The following ADGRV1 variants were observed in gnomAD, a reference collection of about 807,000 sequenced individuals.
The protein encoded by ADGRV1 is G-protein coupled receptor 98.
Under a neutral mutation model 596.2 loss-of-function variants are expected in ADGRV1, and 359 were observed. That is an observed-to-expected ratio of 0.60 (90% CI 0.55 to 0.66). The LOEUF (loss-of-function observed/expected upper bound fraction) is 0.66. ADGRV1 is among the 30% of genes least tolerant of loss of function. The probability of loss-of-function intolerance (pLI) is 0.00; values close to 1 mark genes in which losing one functional copy is unlikely to be tolerated. For missense variants in ADGRV1, 7,274 were observed against 7,575.6 expected, an observed-to-expected ratio of 0.96 and a Z score of 1.48; for synonymous variants, 2,681 against 2,679.2, an observed-to-expected ratio of 1.00 and a Z score of -0.02.
intron 82 of ADGRV1, among the ~76,000 whole-genome samples, chr5:90,859,585 C>T (rs749889407): frequency 1.3e-5 from 2 of 151,790 alleles, no homozygotes; most frequent in South Asian, 2.1e-4. Context: ...GGCACCGTGC[C>T]GGGATAATTT....
At chr5:90,723,370 T>C (rs998234819) in intron 45 of ADGRV1, among the ~76,000 whole-genome samples, 4 of 152,002 alleles carry the variant, frequency 2.6e-5, no homozygotes, top group Non-Finnish European at 5.9e-5. Flanking sequence ...TAATTAATAG[T>C]GGTATGGTTG....
At chr5:91,105,025 T>TTTTGTTTG (rs563352412) in intron 87 of ADGRV1, among the ~76,000 whole-genome samples, 1,823 of 151,880 alleles carry the variant, frequency 0.012, 40 homozygotes, top group African/African-American at 0.042. Flanking sequence ...GCCTGGCTAA[T>TTTTGTTTG]TTTGTTTGTT....
intron 1 of ADGRV1, among the ~76,000 whole-genome samples, chr5:90,604,175 A>C (rs1761788605): frequency 6.6e-6 from 1 of 151,974 alleles, no homozygotes; most frequent in South Asian, 2.1e-4. Flanking sequence ...AAAATGTGAA[A>C]TCTACAAATT....
chr5:90,972,371 C>G (rs996507058), intron 84 of ADGRV1, among the ~76,000 whole-genome samples: 1 of 152,164 alleles, frequency 6.6e-6, no homozygotes, highest in East Asian at 1.9e-4. Flanking sequence ...ATCTACAGAA[C>G]TCTCCACCCC....
chr5:90,656,033 G>C (rs1324750770), intron 20 of ADGRV1, among the ~76,000 whole-genome samples: 1 of 152,134 alleles, frequency 6.6e-6, no homozygotes, highest in African/African-American at 2.4e-5. Context: ...AAGATGCAGA[G>C]TGAAAGATGC....
rs773509832 is a variant in ADGRV1, at chr5:90,811,136, A to C, written c.15876A>C (p.Glu5292Asp). Residue 5292 changes from glutamate (E) to aspartate (D), a missense_variant, in exon 74 of 90, where the codon GAA (glutamate) becomes GAC (aspartate). By Grantham distance (45) the Glu-to-Asp change is conservative. Around this residue, in one of 5 missense-constraint regions of ADGRV1, gnomAD observed 1,874 missense variants for 1,970.2 expected, o/e 0.95. Coordinates refer to ENST00000405460, the MANE Select transcript of ADGRV1 (RefSeq NM_032119.4). ...ISNLTWAVEE[E>D]DFEEQTLTLI... ...ACCTAACATGGGCAGTTGAAGAAGA[A>C]GACTTTGAAGAACAAACTCTTACCC... 6.2e-7 allele frequency: 1 copy of C among 1,613,798 alleles called. No individual in the cohort carries two copies. Among genetic ancestry groups the C allele is most frequent in the African/African-American group, 1.3e-5 (1 of 74,922 alleles).
At chr5:90,975,523 A>G (rs908882212) in intron 84 of ADGRV1, among the ~76,000 whole-genome samples, 4 of 152,216 alleles carry the variant, frequency 2.6e-5, no homozygotes, top group Non-Finnish European at 4.4e-5. Context: ...ATGCAGCCAT[A>G]AAAAAGGATG....
chr5:91,151,638 A>G (rs1218012868), intron 88 of ADGRV1, among the ~76,000 whole-genome samples: 1 of 152,214 alleles, frequency 6.6e-6, no homozygotes, highest in Non-Finnish European at 1.5e-5. Flanking sequence ...TCAGTCCAGC[A>G]TTTGTTTACA....
chr5:90,736,828 A>G (rs564557528), intron 50 of ADGRV1, among the ~76,000 whole-genome samples: 67 of 150,690 alleles, frequency 4.4e-4, no homozygotes, highest in Admixed American at 1.4e-3. Flanking sequence ...CTCTACTTTT[A>G]TTTCTGATTT....
At chr5:90,995,151 T>C (rs1205893096) in intron 85 of ADGRV1, among the ~76,000 whole-genome samples, 1 of 152,234 alleles carries the variant, frequency 6.6e-6, no homozygotes, top group Non-Finnish European at 1.5e-5. Context: ...GGTTTTTTGC[T>C]CCATTGTTGT....
At chr5:90,901,335 C>A (rs1269539522) in intron 83 of ADGRV1, among the ~76,000 whole-genome samples, 1 of 152,126 alleles carries the variant, frequency 6.6e-6, no homozygotes, top group East Asian at 1.9e-4. Context: ...AGTTGTCAGG[C>A]CAACTTCAAG....
intron 85 of ADGRV1, among the ~76,000 whole-genome samples, chr5:90,995,829 T>A (rs2151088898): frequency 6.6e-6 from 1 of 152,314 alleles, no homozygotes; most frequent in South Asian, 2.1e-4. Flanking sequence ...TCACTCTTGC[T>A]AACCTTTGGC....
At chr5:91,058,035 A>C (rs192770042) in intron 85 of ADGRV1, among the ~76,000 whole-genome samples, 1 of 152,342 alleles carries the variant, frequency 6.6e-6, no homozygotes, top group Non-Finnish European at 1.5e-5. Context: ...TGTTTCAGAC[A>C]TTTGCTTAAC....
chr5:90,645,257 T>C (rs1050810640), intron 15 of ADGRV1, among the ~76,000 whole-genome samples: 1 of 152,164 alleles, frequency 6.6e-6, no homozygotes, highest in Admixed American at 6.5e-5. Flanking sequence ...TTCTTACAGA[T>C]AGTAAAGAGA....
intron 84 of ADGRV1, among the ~76,000 whole-genome samples, chr5:90,980,198 G>C (rs1432195724): frequency 6.6e-6 from 1 of 152,054 alleles, no homozygotes; most frequent in Non-Finnish European, 1.5e-5. Context: ...ATAAGAAGAT[G>C]GTAGCTCTAA....
chr5:91,095,686 A>G (rs949475065), intron 86 of ADGRV1, among the ~76,000 whole-genome samples: 1 of 152,220 alleles, frequency 6.6e-6, no homozygotes, highest in Non-Finnish European at 1.5e-5. Context: ...CCTATGTTTT[A>G]GAAATAAGGC....
In ADGRV1 at chr5:90,694,283, A is replaced by G. The variant is rs772103054; in HGVS notation, c.7527A>G (p.Gln2509=). ...AGSDYEPVTR[Q]WAIMQEGDEF... is the part of the protein sequence containing the mutation. ...GTGACTATGAGCCTGTGACAAGGCA[A>G]TGGGCCATAATGCAGGAAGGTGATG... The change falls in exon 33 of 90, where the codon CAA becomes CAG. Residue 2509 remains glutamine, a synonymous_variant. Coordinates refer to ENST00000405460, the MANE Select transcript of ADGRV1 (RefSeq NM_032119.4). The G allele has an allele frequency of 3.6e-5, 58 of 1,613,838 alleles. 1 individual carries two copies. In the East Asian group the frequency reaches 9.8e-4, roughly 27 times the overall value.
In ADGRV1 at chr5:90,753,709, G is replaced by T. The variant is rs1351954494; in HGVS notation, c.11257G>T (p.Gly3753Cys). The T allele has an allele frequency of 1.2e-6, 2 of 1,613,498 alleles. No individual in the cohort carries two copies. The highest frequency in any genetic ancestry group is 1.7e-6 in the Non-Finnish European group (2 of 1,179,706). Residue 3753 changes from glycine (G) to cysteine (C), a missense_variant, in exon 54 of 90, where the codon GGT becomes TGT. Transcript: ENST00000405460. The part of the protein sequence containing the change: ...TTEGVEDSYK[G>C]ATIDQDRSKS... ...AGAAGGGGTTGAGGACTCATACAAAGGTGCTACTATTGATCAGGACAGAAG... is the reference window on the plus strand; with the variant it reads ...AGAAGGGGTTGAGGACTCATACAAATGTGCTACTATTGATCAGGACAGAAG...
intron 74 of ADGRV1, among the ~76,000 whole-genome samples, chr5:90,811,660 G>A (rs374130081): frequency 1.2e-4 from 18 of 151,172 alleles, no homozygotes; most frequent in African/African-American, 4.4e-4. Flanking sequence ...TTTGAAACTT[G>A]ATTCTAAATT....
Sources: allele counts gnomAD v4.1 joint callset (sites outside exome capture counted in the v4.1 genomes callset), GRCh38; gene constraint gnomAD v4.1.1; regional missense constraint gnomAD v4.1.1; transcripts MANE v1.5; gene names NCBI Gene and HGNC (gene_info 2026-07-23, HGNC 2026-07-21).